Variants in CSMD1 observed in about 807,000 individuals in gnomAD.
CSMD1 encodes the protein CUB and sushi domain-containing protein 1.
Under a neutral mutation model 417.5 loss-of-function variants are expected in CSMD1, and 213 were observed. The ratio of observed to expected loss-of-function variants is 0.51; its 90% CI spans 0.46 to 0.57. The LOEUF is 0.57. Ranked by LOEUF, CSMD1 falls within the 20% of genes least tolerant of loss-of-function variation. CSMD1 has a pLI of 0.00. For missense variants in CSMD1, 6,923 were observed against 4,529.7 expected, an observed-to-expected ratio of 1.53 and a Z score of -15.17; for synonymous variants, 2,862 against 1,736.8, an observed-to-expected ratio of 1.65 and a Z score of -16.11.
chr8:3,314,717 G>T (rs991810038), intron 23 of CSMD1, among the ~76,000 whole-genome samples: 2 of 152,134 alleles, frequency 1.3e-5, no homozygotes, highest in African/African-American at 4.8e-5. Flanking sequence ...CATGAATTAC[G>T]CAGTCTTAAT....
intron 3 of CSMD1, among the ~76,000 whole-genome samples, chr8:4,184,631 C>G (rs974133352): frequency 1.3e-5 from 2 of 151,948 alleles, no homozygotes; most frequent in Admixed American, 6.6e-5. Context: ...CAAATGTTCT[C>G]ATTTATAAGT....
chr8:3,663,334 G>A (rs114383115), intron 7 of CSMD1, among the ~76,000 whole-genome samples: 6 of 152,264 alleles, frequency 3.9e-5, no homozygotes, highest in African/African-American at 1.4e-4. Flanking sequence ...GGCATGGTGC[G>A]TTCTGTTTGG....
intron 3 of CSMD1, among the ~76,000 whole-genome samples, chr8:4,241,273 TCAC>T (rs1345417014): frequency 1.4e-4 from 21 of 152,136 alleles, no homozygotes; most frequent in Non-Finnish European, 2.5e-4. Context: ...CTAAATAATC[TCAC>T]CACAATTCAT....
intron 37 of CSMD1, among the ~76,000 whole-genome samples, chr8:3,163,680 C>G (rs1053356897): frequency 6.6e-6 from 1 of 152,032 alleles, no homozygotes; most frequent in Non-Finnish European, 1.5e-5. Flanking sequence ...CCAGCGGCCA[C>G]CAAGCACGAG....
intron 3 of CSMD1, among the ~76,000 whole-genome samples, chr8:4,101,163 C>T (rs940149375): frequency 6.6e-6 from 1 of 152,346 alleles, no homozygotes; most frequent in African/African-American, 2.4e-5. Flanking sequence ...TCTATACTGT[C>T]TATGAGTCCA....
At chr8:4,993,692 A>T (rs1301153405) in intron 1 of CSMD1, among the ~76,000 whole-genome samples, 3 of 152,000 alleles carry the variant, frequency 2.0e-5, no homozygotes, top group East Asian at 1.9e-4. Context: ...CCTTGCCAAC[A>T]CCTTACAACT....
intron 3 of CSMD1, among the ~76,000 whole-genome samples, chr8:4,081,901 G>A (rs1053843191): frequency 6.6e-6 from 1 of 152,158 alleles, no homozygotes; most frequent in Non-Finnish European, 1.5e-5. Flanking sequence ...TTACAGTAGT[G>A]CTCATGGGGG....
chr8:3,412,350 C>G (rs1472580829), intron 12 of CSMD1, among the ~76,000 whole-genome samples: 1 of 151,870 alleles, frequency 6.6e-6, no homozygotes, highest in East Asian at 1.9e-4. Flanking sequence ...ATCAAGCTGT[C>G]AGTTTTGGCA....
intron 1 of CSMD1, among the ~76,000 whole-genome samples, chr8:4,746,817 T>C (rs937911240): frequency 2.0e-5 from 3 of 152,176 alleles, no homozygotes; most frequent in African/African-American, 7.2e-5. Context: ...GTGGGTTCTC[T>C]CTCAGAGAAA....
chr8:3,055,025 C>A (rs960393929), intron 49 of CSMD1, among the ~76,000 whole-genome samples: 1 of 152,140 alleles, frequency 6.6e-6, no homozygotes, highest in Non-Finnish European at 1.5e-5. Context: ...TGTTCATGAT[C>A]GCAAGCCTTA....
At chr8:3,914,433 A>C (rs183823547) in intron 5 of CSMD1, among the ~76,000 whole-genome samples, 1 of 152,154 alleles carries the variant, frequency 6.6e-6, no homozygotes, top group Non-Finnish European at 1.5e-5. Context: ...ACCATGTTCT[A>C]AATCTTCTAT....
intron 1 of CSMD1, among the ~76,000 whole-genome samples, chr8:4,955,947 G>C (rs1025387660): frequency 2.0e-5 from 3 of 152,192 alleles, no homozygotes; most frequent in Non-Finnish European, 4.4e-5. Context: ...ATGAATGGCT[G>C]AGTTTGAGAA....
At chr8:4,045,253 G>C (rs1027707453) in intron 3 of CSMD1, among the ~76,000 whole-genome samples, 2 of 152,200 alleles carry the variant, frequency 1.3e-5, no homozygotes, top group African/African-American at 4.8e-5. Context: ...GAGCAGAAGT[G>C]AGACAAAGCC....
intron 1 of CSMD1, among the ~76,000 whole-genome samples, chr8:4,914,196 G>C (rs1173928194): frequency 2.0e-5 from 3 of 152,170 alleles, no homozygotes; most frequent in Non-Finnish European, 4.4e-5. Flanking sequence ...AGACTCTATA[G>C]TATTACAGGT....
intron 8 of CSMD1, among the ~76,000 whole-genome samples, chr8:3,588,323 A>C (rs1800693033): frequency 2.6e-5 from 1 of 38,924 alleles, no homozygotes; most frequent in Non-Finnish European, 6.6e-5. Context: ...AACATAAAGA[A>C]AACAAAAAGT....
chr8:4,670,102 A>G (rs1234352276), intron 1 of CSMD1, among the ~76,000 whole-genome samples: 1 of 152,172 alleles, frequency 6.6e-6, no homozygotes, highest in East Asian at 1.9e-4. Flanking sequence ...CAAGTGTAAG[A>G]TAGGGCAAAC....
chr8:3,714,561 CAAAAAA>C (rs61494901), intron 6 of CSMD1, among the ~76,000 whole-genome samples: 1 of 70,554 alleles, frequency 1.4e-5, no homozygotes, highest in East Asian at 5.0e-4. Context: ...ATCTCTATCC[CAAAAAA>C]AAAAAAAAAA....
intron 17 of CSMD1, 63 bp downstream of exon 17, chr8:3,396,131 C>G: frequency 2.1e-6 from 3 of 1,410,332 alleles, no homozygotes; most frequent in East Asian, 2.5e-5. Flanking sequence ...AAATAAGAAC[C>G]CAGATCTTTA....
intron 2 of CSMD1, among the ~76,000 whole-genome samples, chr8:4,617,301 T>G (rs539885301): frequency 6.6e-6 from 1 of 152,294 alleles, no homozygotes; most frequent in African/African-American, 2.4e-5. Flanking sequence ...GTCTATAAAC[T>G]GATACAGATA....
Sources: gnomAD v4.1 joint callset for allele counts (sites outside exome capture counted in the v4.1 genomes callset) on GRCh38, gnomAD v4.1.1 for gene constraint, MANE v1.5 for transcripts, NCBI Gene and HGNC (gene_info 2026-07-23, HGNC 2026-07-21) for gene names.